TPH2: variants seen among roughly 807,000 people sequenced by gnomAD.
TPH2 encodes the protein tryptophan 5-hydroxylase 2.
Under a neutral mutation model 59.1 loss-of-function variants are expected in TPH2, and 27 were observed. That is an observed-to-expected ratio of 0.46 (90% confidence interval 0.34 to 0.63). TPH2 has a LOEUF of 0.63. TPH2 is among the 30% of genes least tolerant of loss of function. The pLI is 0.01. For missense variants in TPH2, 523 were observed against 588.3 expected, an observed-to-expected ratio of 0.89 and a Z score of 1.15; for synonymous variants, 220 against 210.5, an observed-to-expected ratio of 1.05 and a Z score of -0.39.
intron 5 of TPH2, among the ~76,000 whole-genome samples, chr12:71,959,415 G>T (rs1018589025): frequency 6.6e-6 from 1 of 152,224 alleles, no homozygotes; most frequent in Non-Finnish European, 1.5e-5. Flanking sequence ...AGTACTGTGC[G>T]CACTAGGGCT....
intron 7 of TPH2, among the ~76,000 whole-genome samples, chr12:71,992,924 T>G (rs1298057476): frequency 2.6e-5 from 4 of 152,238 alleles, no homozygotes; most frequent in African/African-American, 9.6e-5. Context: ...AATCTGCTTC[T>G]TTGCCATAAG....
intron 8 of TPH2, among the ~76,000 whole-genome samples, chr12:72,007,231 C>T (rs1250183329): frequency 1.3e-5 from 2 of 152,100 alleles, no homozygotes; most frequent in African/African-American, 2.4e-5. Flanking sequence ...GGAGGCTTCC[C>T]CTGAGTGAAT....
chr12:71,997,003 G>A (rs1872709568), intron 8 of TPH2, among the ~76,000 whole-genome samples: 1 of 152,198 alleles, frequency 6.6e-6, no homozygotes, highest in South Asian at 2.1e-4. Flanking sequence ...GTCAAGTGGA[G>A]AAGAGTGAAA....
intron 8 of TPH2, among the ~76,000 whole-genome samples, chr12:71,999,188 C>T (rs1872762748): frequency 6.6e-6 from 1 of 152,154 alleles, no homozygotes; most frequent in Non-Finnish European, 1.5e-5. Flanking sequence ...TATCTCCTTG[C>T]TATATTTCTA....
chr12:72,012,658 G>A (rs941703237), intron 8 of TPH2, among the ~76,000 whole-genome samples: 4 of 152,224 alleles, frequency 2.6e-5, no homozygotes, highest in African/African-American at 9.6e-5. Context: ...ATTGAGTCTT[G>A]GAGATGGGAG....
chr12:72,007,655 C>G (rs1189506571), intron 8 of TPH2, among the ~76,000 whole-genome samples: 1 of 152,048 alleles, frequency 6.6e-6, no homozygotes, highest in Non-Finnish European at 1.5e-5. Context: ...GTCTAACTAG[C>G]AAAGTTTAAA....
chr12:71,977,248 A>G (rs916152106), intron 6 of TPH2, among the ~76,000 whole-genome samples: 1 of 152,056 alleles, frequency 6.6e-6, no homozygotes, highest in Non-Finnish European at 1.5e-5. Context: ...GTAGATAAAA[A>G]GTTTTGCCAT....
chr12:71,939,036 G>A lies in TPH2; in HGVS notation c.50G>A (p.Gly17Glu). The change falls in exon 1 of 11, where the codon GGG (glycine) becomes GAG (glutamate). Residue 17 changes from glycine to glutamate, a missense_variant. Physicochemically the swap from Gly to Glu is moderately conservative, Grantham distance 98. Coordinates refer to ENST00000333850, the MANE Select transcript of TPH2 (RefSeq NM_173353.4). ...MFSSKYWARR[G>E]FSLDSAVPEE... Reference sequence around the variant, plus strand: ...TCCAGTAAATACTGGGCACGGAGAGGGTTTTCCCTGGATTCAGCAGTGCCC... The same window carrying A: ...TCCAGTAAATACTGGGCACGGAGAGAGTTTTCCCTGGATTCAGCAGTGCCC... 6.2e-7 allele frequency: 1 copy of A among 1,614,098 alleles called. No individual in the cohort carries two copies. The highest frequency in any genetic ancestry group is 8.5e-7 in the Non-Finnish European group (1 of 1,180,030).
chr12:71,998,695 G>A (rs1202268210), intron 8 of TPH2, among the ~76,000 whole-genome samples: 1 of 152,190 alleles, frequency 6.6e-6, no homozygotes, highest in Non-Finnish European at 1.5e-5. Flanking sequence ...TCTATGGCAG[G>A]GGGATAATGG....
In TPH2 at chr12:72,031,507, T is replaced by G; in HGVS notation, c.1299-14T>G. 6.2e-7 allele frequency: 1 copy of G among 1,613,516 alleles called. No homozygotes were observed. The stretch of plus-strand genomic sequence containing the variant: ...GGTTGATCACATCTCTTTCTACTTC[T>G]GTTTATTCTGCAGGGACTTTGCAAA... On this transcript the variant is annotated splice_polypyrimidine_tract_variant and intron_variant, in intron 10 of 10. Coordinates refer to ENST00000333850, the MANE Select transcript of TPH2 (RefSeq NM_173353.4).
chr12:71,944,034 A>G (rs1321627661), intron 2 of TPH2, among the ~76,000 whole-genome samples: 1 of 152,116 alleles, frequency 6.6e-6, no homozygotes, highest in Non-Finnish European at 1.5e-5. Context: ...TTCATTTTAC[A>G]GGGCCACTTT....
Position 72,011,199 on chromosome 12 carries a change from C to T in TPH2, c.1069-11200C>T, listed in dbSNP as rs929927787. The stretch of plus-strand genomic sequence containing the variant: ...AAGAAGAGCCAAACTCTGTCAATTG[C>T]TTTGTTATGGAGATGTTGCACTGAG... On this transcript the variant is annotated intron_variant, in intron 8 of 10. Transcript: ENST00000333850. 4.6e-5 allele frequency among the ~76,000 whole-genome samples: 7 copies of T among 152,266 alleles called. 1 individual carries two copies. The South Asian group carries it at 1.4e-3, about 32-fold the overall frequency.
chr12:71,975,736 G>C (rs1350614052), intron 6 of TPH2, among the ~76,000 whole-genome samples: 1 of 152,166 alleles, frequency 6.6e-6, no homozygotes, highest in Non-Finnish European at 1.5e-5. Context: ...TATGTTATGT[G>C]TGAACATCAT....
intron 5 of TPH2, among the ~76,000 whole-genome samples, chr12:71,955,800 C>T (rs1335193351): frequency 1.3e-5 from 2 of 152,118 alleles, no homozygotes; most frequent in African/African-American, 4.8e-5. Flanking sequence ...CTTTGGTTGC[C>T]AGTCTTCTCC....
chr12:71,988,925 C>T (rs1312147479), intron 7 of TPH2, among the ~76,000 whole-genome samples: 1 of 151,906 alleles, frequency 6.6e-6, no homozygotes, highest in African/African-American at 2.4e-5. Flanking sequence ...TAATATAGCA[C>T]CTGGTACAAA....
At chr12:71,955,883 A>G (rs528029703) in intron 5 of TPH2, among the ~76,000 whole-genome samples, 4 of 152,346 alleles carry the variant, frequency 2.6e-5, no homozygotes, top group African/African-American at 9.6e-5. Context: ...TTATTGATAC[A>G]TAAAAAATAA....
At chr12:71,962,571 T>C in intron 5 of TPH2, 1 of 985,318 alleles carries the variant, frequency 1.0e-6, no homozygotes, top group Non-Finnish European at 1.2e-6. Context: ...GAATCTTTGC[T>C]TTTTGCATAG....
chr12:71,972,074 C>G (rs1313150027), intron 5 of TPH2, among the ~76,000 whole-genome samples: 1 of 152,130 alleles, frequency 6.6e-6, no homozygotes. Context: ...CAAAATTACA[C>G]TTGAAGATTG....
intron 7 of TPH2, among the ~76,000 whole-genome samples, chr12:71,990,639 C>G (rs541022067): frequency 6.6e-6 from 1 of 152,340 alleles, no homozygotes; most frequent in East Asian, 1.9e-4. Context: ...GAGCCAAACA[C>G]AGTGGGATAG....
Sources: allele counts gnomAD v4.1 joint callset (sites outside exome capture counted in the v4.1 genomes callset), GRCh38; gene constraint gnomAD v4.1.1; transcripts MANE v1.5; gene names NCBI Gene and HGNC (gene_info 2026-07-23, HGNC 2026-07-21).